Variants in GABRA1 observed in about 807,000 individuals in gnomAD.
GABRA1 encodes the protein gamma-aminobutyric acid type A receptor subunit alpha1.
GABRA1 carries 9 observed loss-of-function variants against 48.9 expected under a neutral mutation model. The ratio of observed to expected loss-of-function variants is 0.18; its 90% confidence interval spans 0.11 to 0.32. The LOEUF is 0.32. Ranked by LOEUF, GABRA1 falls within the 10% of genes least tolerant of loss-of-function variation. GABRA1 has a pLI of 1.00. For missense variants in GABRA1, 285 were observed against 553.8 expected, an observed-to-expected ratio of 0.51 and a Z score of 4.87; for synonymous variants, 210 against 198.7, an observed-to-expected ratio of 1.06 and a Z score of -0.48.
At chr5:161,884,607 T>C (rs2113422258) in intron 7 of GABRA1, among the ~76,000 whole-genome samples, 1 of 152,264 alleles carries the variant, frequency 6.6e-6, no homozygotes, top group East Asian at 1.9e-4. Context: ...CTGAATATAT[T>C]GGGGGATAAA....
chr5:161,888,584 T>A (rs1171998331), intron 7 of GABRA1, among the ~76,000 whole-genome samples: 2 of 152,068 alleles, frequency 1.3e-5, no homozygotes, highest in South Asian at 2.1e-4. Flanking sequence ...TATATACAGA[T>A]GAATTTTTTT....
At position 161,882,658 on chromosome 5, in the gene GABRA1, T is replaced by C. The variant is rs767907251; in HGVS notation, c.660T>C (p.Leu220=). ...EDGSRLNQYD[L]LGQTVDSGIV... is the part of the protein sequence containing the mutation. ...GATCACGTCTAAACCAGTATGACCT[T>C]CTTGGACAAACAGTAGACTCTGGAA... is the stretch of plus-strand genomic sequence containing the variant. Residue 220 remains leucine, a synonymous_variant, in exon 7 of 10, where the codon CTT becomes CTC. Coordinates refer to ENST00000393943, the MANE Select transcript of GABRA1 (RefSeq NM_001127644.2). 1.2e-6 allele frequency: 2 copies of C among 1,613,722 alleles called. No individual in the cohort carries two copies. The highest frequency in any genetic ancestry group is 1.1e-5 in the South Asian group (1 of 91,088).
At chr5:161,893,041 ATAATAAT>A (rs1755185780) in intron 8 of GABRA1, among the ~76,000 whole-genome samples, 1 of 140,552 alleles carries the variant, frequency 7.1e-6, no homozygotes, top group African/African-American at 2.6e-5. Context: ...AATAATAATA[ATAATAAT>A]AAAATAAACA....
intron 3 of GABRA1, among the ~76,000 whole-genome samples, chr5:161,863,338 T>G (rs1028869760): frequency 6.6e-6 from 1 of 152,016 alleles, no homozygotes; most frequent in Non-Finnish European, 1.5e-5. Context: ...CTCAGTATTC[T>G]GCAGGCTGTA....
rs982211676 is a variant in GABRA1, at chr5:161,851,017, G to A, written c.74+133G>A. ...GAAAACTTAACTGCAATAATTTCCA[G>A]CTAAGAATAAAGAGGAGCAGTATGA... On this transcript the variant is annotated intron_variant, in intron 2 of 9. Transcript: ENST00000393943. The A allele has an allele frequency of 9.2e-6, 7 of 759,214 alleles. No individual in the cohort carries two copies. The Admixed American group carries it at 1.4e-4, about 15-fold the overall frequency. The allele number at this position is 759,214 out of a possible 1,614,324, so 47.0% of individuals were successfully genotyped here.
rs2113389380 is a variant in GABRA1 at position 161,875,662 on chromosome 5, C to T, written c.559+20C>T. The T allele has an allele frequency of 2.6e-6, 4 of 1,549,584 alleles. No individual in the cohort carries two copies. In the Middle Eastern group the frequency reaches 5.1e-4, roughly 196 times the overall value. ...GAAGTTGTGAGTAAATTTATATGGA[C>T]TTTTCTTGATTGTAAGTCATTAAGC... On this transcript the variant is annotated intron_variant, in intron 6 of 9. Transcript: ENST00000393943.
In GABRA1 at chr5:161,854,146, G is replaced by GT. The variant is rs563768487; in HGVS notation, c.75-4dup. The stretch of plus-strand genomic sequence containing the variant: ...TAATTTAGCTATTGCTTCTCTTTAT[G>GT]TTTTTTTTCAGCTATGGACAGCCGT... On this transcript the variant is annotated splice_polypyrimidine_tract_variant and intron_variant, in intron 2 of 9. Coordinates refer to ENST00000393943, the MANE Select transcript of GABRA1 (RefSeq NM_001127644.2). 192 of 1,389,466 alleles carry GT rather than the reference G, an allele frequency of 1.4e-4. No homozygotes were observed. The highest frequency in any genetic ancestry group is 1.6e-4 in the Non-Finnish European group (159 of 978,908). The allele number at this position is 1,389,466 out of a possible 1,614,324, so 86.1% of individuals were successfully genotyped here. A position where few individuals can be genotyped will look rare whatever the true frequency, so the allele number is the denominator to read the frequency against.
chr5:161,867,286 T>C (rs1753909724), intron 4 of GABRA1, among the ~76,000 whole-genome samples: 1 of 152,140 alleles, frequency 6.6e-6, no homozygotes, highest in African/African-American at 2.4e-5. Context: ...TAAGAATGCT[T>C]ATTAGGTCCC....
At chr5:161,893,004 C>CAAAAAAAA in intron 8 of GABRA1, among the ~76,000 whole-genome samples, 1 of 33,962 alleles carries the variant, frequency 2.9e-5, no homozygotes, top group African/African-American at 1.5e-4. Flanking sequence ...GACTCCTTCT[C>CAAAAAAAA]AAAAAAATAA....
chr5:161,875,455 C>A, intron 5 of GABRA1, 105 bp from the exon 6 acceptor site: 2 of 886,732 alleles, frequency 2.3e-6, no homozygotes, highest in Non-Finnish European at 3.8e-6. Context: ...TGCAATTATG[C>A]CTTCTTTGTT....
chr5:161,887,359 T>C (rs1754895247), intron 7 of GABRA1, among the ~76,000 whole-genome samples: 1 of 151,992 alleles, frequency 6.6e-6, no homozygotes, highest in Admixed American at 6.6e-5. Flanking sequence ...TCATCATTCA[T>C]CCAAAGAGCC....
intron 6 of GABRA1, among the ~76,000 whole-genome samples, chr5:161,880,977 A>G (rs776703006): frequency 6.6e-6 from 1 of 152,244 alleles, no homozygotes; most frequent in Non-Finnish European, 1.5e-5. Flanking sequence ...TTTGGAGGCC[A>G]TTCCTCCAAG....
chr5:161,855,405 A>G (rs1425247432), intron 3 of GABRA1, among the ~76,000 whole-genome samples: 1 of 151,562 alleles, frequency 6.6e-6, no homozygotes, highest in Non-Finnish European at 1.5e-5. Context: ...GCCTTGGCAA[A>G]GACACAACCC....
intron 3 of GABRA1, among the ~76,000 whole-genome samples, chr5:161,865,331 G>C (rs1489624867): frequency 6.6e-6 from 1 of 152,028 alleles, no homozygotes; most frequent in Non-Finnish European, 1.5e-5. Context: ...TTCCCAAGAG[G>C]AGCCTAAATA....
chr5:161,851,171 G>A (rs549278145), intron 2 of GABRA1, among the ~76,000 whole-genome samples: 15 of 152,120 alleles, frequency 9.9e-5, no homozygotes, highest in Middle Eastern at 6.8e-3. Context: ...CAAAACGTGC[G>A]GTTTCCTAAT....
rs577334197 is a variant in GABRA1 at position 161,870,881 on chromosome 5, C to T, written c.256-2236C>T. On this transcript the variant is annotated intron_variant, in intron 4 of 9. Coordinates refer to ENST00000393943, the MANE Select transcript of GABRA1 (RefSeq NM_001127644.2). ...TAATTTTCATCAACTGCTTTTATTTCATTTTGTATTTCAACTTCTAACAGT... is the reference window on the plus strand; with the variant it reads ...TAATTTTCATCAACTGCTTTTATTTTATTTTGTATTTCAACTTCTAACAGT... Among the ~76,000 whole-genome samples, 8 of 151,462 alleles carry T rather than the reference C, an allele frequency of 5.3e-5. No homozygotes were observed. In the East Asian group the frequency reaches 1.6e-3, roughly 30 times the overall value.
At chr5:161,860,037 C>G (rs1026480576) in intron 3 of GABRA1, among the ~76,000 whole-genome samples, 1 of 151,672 alleles carries the variant, frequency 6.6e-6, no homozygotes, top group Middle Eastern at 3.2e-3. Flanking sequence ...CAATACATTT[C>G]CACAGAAATA....
chr5:161,868,612 TA>T (rs1267145091), intron 4 of GABRA1, among the ~76,000 whole-genome samples: 3 of 152,104 alleles, frequency 2.0e-5, no homozygotes, highest in Non-Finnish European at 4.4e-5. Context: ...TATAATAATG[TA>T]AAATTTGCTT....
rs3078113 is a variant in GABRA1, at chr5:161,893,048, T to TAAAAAAAAA, written c.856+2002_856+2003insAAAAAAAAA. Among the ~76,000 whole-genome samples the TAAAAAAAAA allele has an allele frequency of 4.1e-3, 582 of 141,990 alleles. 5 individuals carry two copies. Among genetic ancestry groups the TAAAAAAAAA allele is most frequent in the African/African-American group, 0.011 (401 of 38,154 alleles). 93.2% of individuals were successfully genotyped at this position (141,990 alleles called of 152,430 possible). ...ATAATAATAATAATAATAATAATAA[T>TAAAAAAAAA]AAAATAAACACAGGACATATTTATG... On this transcript the variant is annotated intron_variant, in intron 8 of 9. Coordinates refer to ENST00000393943, the MANE Select transcript of GABRA1 (RefSeq NM_001127644.2).
Sources: allele counts gnomAD v4.1 joint callset (sites outside exome capture counted in the v4.1 genomes callset), GRCh38; gene constraint gnomAD v4.1.1; transcripts MANE v1.5; gene names NCBI Gene and HGNC (gene_info 2026-07-23, HGNC 2026-07-21).